Variants in KAZN observed in about 807,000 individuals in gnomAD.
The protein encoded by KAZN is kazrin, periplakin interacting protein.
A neutral mutation model predicts 87.4 loss-of-function variants in KAZN; 40 were observed. The ratio of observed to expected loss-of-function variants is 0.46; its 90% confidence interval spans 0.36 to 0.60. The LOEUF (loss-of-function observed/expected upper bound fraction) is 0.60. KAZN is among the 20% of genes least tolerant of loss of function. The pLI is 0.00. For synonymous variants in KAZN, 466 were observed against 458.3 expected, an observed-to-expected ratio of 1.02 and a Z score of -0.22; for missense variants, 898 against 1,073.9, an observed-to-expected ratio of 0.84 and a Z score of 2.29.
intron 1 of KAZN, among the ~76,000 whole-genome samples, chr1:14,941,629 G>A (rs12742192): frequency 0.11 from 16,076 of 152,132 alleles, 999 homozygotes; most frequent in Middle Eastern, 0.14. Flanking sequence ...AGGTGTACAT[G>A]CAGAGAAGAT....
intron 1 of KAZN, among the ~76,000 whole-genome samples, chr1:14,106,333 G>A (rs111852442): frequency 1.1e-4 from 16 of 152,328 alleles, no homozygotes; most frequent in African/African-American, 3.8e-4. Flanking sequence ...CACAGCTGTG[G>A]TGGGAGGCAG....
At chr1:14,288,379 G>A (rs1342991774) in intron 2 of KAZN, among the ~76,000 whole-genome samples, 1 of 152,160 alleles carries the variant, frequency 6.6e-6, no homozygotes, top group Non-Finnish European at 1.5e-5. Context: ...TCTATTCAGA[G>A]ATTAAATTTC....
At chr1:14,734,261 C>A (rs1185006628) in intron 1 of KAZN, among the ~76,000 whole-genome samples, 1 of 151,836 alleles carries the variant, frequency 6.6e-6, no homozygotes, top group Non-Finnish European at 1.5e-5. Flanking sequence ...TAGGACTCAG[C>A]AGGTCTGGGG....
intron 1 of KAZN, among the ~76,000 whole-genome samples, chr1:14,937,602 C>G (rs1660601223): frequency 6.6e-6 from 1 of 152,216 alleles, no homozygotes. Flanking sequence ...AACACCTTCT[C>G]CTTCCCACCC....
chr1:13,911,052 T>C (rs948427175), intron 1 of KAZN, among the ~76,000 whole-genome samples: 22 of 151,826 alleles, frequency 1.4e-4, no homozygotes, highest in African/African-American at 5.3e-4. Context: ...TTTTGTTTTG[T>C]TTCATTTTGT....
At chr1:14,701,056 A>G (rs1198548527) in intron 1 of KAZN, among the ~76,000 whole-genome samples, 2 of 152,222 alleles carry the variant, frequency 1.3e-5, no homozygotes, top group East Asian at 1.9e-4. Context: ...TGGACATTTC[A>G]AAAGATGTGG....
At chr1:14,715,564 T>C (rs10927514) in intron 1 of KAZN, among the ~76,000 whole-genome samples, 3,515 of 152,290 alleles carry the variant, frequency 0.023, 161 homozygotes, top group African/African-American at 0.079. Flanking sequence ...TGTAGCTTGA[T>C]GTTCGGGGGC....
At chr1:13,972,249 C>T (rs1376249446) in intron 1 of KAZN, among the ~76,000 whole-genome samples, 1 of 151,294 alleles carries the variant, frequency 6.6e-6, no homozygotes, top group Non-Finnish European at 1.5e-5. Context: ...TGTAAAATGC[C>T]ACCCTACTTT....
chr1:14,631,610 C>T (rs527647666), intron 1 of KAZN, among the ~76,000 whole-genome samples: 21 of 152,346 alleles, frequency 1.4e-4, no homozygotes, highest in Admixed American at 3.9e-4. Context: ...CTGGTGGCCC[C>T]GCCACGGTAC....
intron 1 of KAZN, among the ~76,000 whole-genome samples, chr1:13,934,771 C>T (rs1005766683): frequency 6.7e-6 from 1 of 149,906 alleles, no homozygotes; most frequent in African/African-American, 2.5e-5. Flanking sequence ...GGGCAAGATT[C>T]ACTCTATTTA....
At position 14,302,492 on chromosome 1, in the gene KAZN, A is replaced by G. The variant is rs1248023966; in HGVS notation, c.249+121900A>G. Among the ~76,000 whole-genome samples the G allele has an allele frequency of 3.3e-5, 5 of 152,200 alleles. No individual in the cohort carries two copies. In the East Asian group the frequency reaches 9.6e-4, roughly 29 times the overall value. ...ATGTGTCAATAACACTGAAACAGAC[A>G]TGTATCCTGCCCAGAGGTTGAGTGG... On this transcript the variant is annotated intron_variant, in intron 2 of 16. Coordinates refer to the KAZN transcript ENST00000636203.
At position 14,886,685 on chromosome 1, in the gene KAZN, G is replaced by A. The variant is rs142681645; in HGVS notation, c.227-73999G>A. Among the ~76,000 whole-genome samples, 282 of 152,216 alleles carry A rather than the reference G, an allele frequency of 1.9e-3. 2 individuals are homozygous for A. In the East Asian group the frequency reaches 0.03, roughly 16 times the overall value. On this transcript the variant is annotated intron_variant, in intron 1 of 14. Coordinates refer to ENST00000376030, the MANE Select transcript of KAZN (RefSeq NM_201628.3). Reference sequence around the variant, plus strand: ...GCATGCATGTAATCCCAGCTACTCCGGAGGCTGAGGCGGGAGAATCGCTTG... The same window carrying A: ...GCATGCATGTAATCCCAGCTACTCCAGAGGCTGAGGCGGGAGAATCGCTTG...
At chr1:14,012,692 C>T (rs1640370824) in intron 1 of KAZN, among the ~76,000 whole-genome samples, 1 of 152,142 alleles carries the variant, frequency 6.6e-6, no homozygotes, top group Non-Finnish European at 1.5e-5. Context: ...GTAATCCCAG[C>T]TACTTGGGAG....
At chr1:13,962,257 C>T (rs934971643) in intron 1 of KAZN, among the ~76,000 whole-genome samples, 4 of 151,712 alleles carry the variant, frequency 2.6e-5, no homozygotes, top group African/African-American at 9.7e-5. Context: ...GTAGGGGGGT[C>T]GGGGCGGAGC....
chr1:14,916,774 A>T (rs1261727888), intron 1 of KAZN, among the ~76,000 whole-genome samples: 2 of 152,074 alleles, frequency 1.3e-5, no homozygotes, highest in East Asian at 3.9e-4. Flanking sequence ...TTAGCTGGGC[A>T]TGGTGGTGGC....
chr1:14,411,409 C>G (rs1340740609), intron 2 of KAZN, among the ~76,000 whole-genome samples: 4 of 152,192 alleles, frequency 2.6e-5, no homozygotes, highest in Non-Finnish European at 5.9e-5. Flanking sequence ...GTTCCCCTGC[C>G]TCAACCTCCC....
intron 1 of KAZN, among the ~76,000 whole-genome samples, chr1:14,116,773 G>T (rs920929387): frequency 6.6e-6 from 1 of 152,232 alleles, no homozygotes; most frequent in African/African-American, 2.4e-5. Flanking sequence ...GCCTGTGAAA[G>T]CAGCCAGGAG....
intron 2 of KAZN, among the ~76,000 whole-genome samples, chr1:14,425,046 A>G (rs562852631): frequency 3.5e-4 from 54 of 152,236 alleles, no homozygotes; most frequent in African/African-American, 1.2e-3. Context: ...ACCTGGCCCA[A>G]TGAGTTTCTG....
At chr1:14,976,366 G>A (rs12082509) in intron 2 of KAZN, among the ~76,000 whole-genome samples, 27,931 of 151,984 alleles carry the variant, frequency 0.18, 2,857 homozygotes, top group African/African-American at 0.25. Flanking sequence ...CTCTTGCCCC[G>A]GCCACAAGAA....
Sources: gnomAD v4.1 joint callset for allele counts (sites outside exome capture counted in the v4.1 genomes callset) on GRCh38, gnomAD v4.1.1 for gene constraint, MANE v1.5 for transcripts, NCBI Gene and HGNC (gene_info 2026-07-23, HGNC 2026-07-21) for gene names.